C4orf50: variants seen among roughly 807,000 people sequenced by gnomAD.
The protein encoded by C4orf50 is uncharacterized protein C4orf50.
A neutral mutation model predicts 77.2 loss-of-function variants in C4orf50; 80 were observed. The observed-to-expected ratio is 1.04, with a 90% CI of 0.87 to 1.25. The LOEUF (loss-of-function observed/expected upper bound fraction) is 1.25, where lower values mean the gene tolerates loss of function less well. Ranked by LOEUF, C4orf50 falls within the 50% of genes most tolerant of loss-of-function variation. The pLI, the probability that C4orf50 is intolerant of heterozygous loss-of-function variation, is 0.00. For missense variants in C4orf50, 1,257 were observed against 1,152.9 expected (o/e 1.09, Z -1.31); for synonymous variants, 532 against 465.3 (o/e 1.14, Z -1.84).
At chr4:5,947,894 A>C (rs1055470771) in intron 7 of C4orf50, among the ~76,000 whole-genome samples, 7 of 152,222 alleles carry the variant, frequency 4.6e-5, no homozygotes, top group African/African-American at 1.7e-4. Flanking sequence ...CCCAGCCCCC[A>C]GGGTCCCTGC....
chr4:6,000,975 G>A lies in C4orf50; in HGVS notation c.964-6499C>T, dbSNP rs903417791. Among the ~76,000 whole-genome samples, 1 of 152,138 alleles carries A rather than the reference G, an allele frequency of 6.6e-6. No homozygotes were observed. The highest frequency in any genetic ancestry group is 2.4e-5 in the African/African-American group (1 of 41,410). ...CAACCCATCGGTAAGTGGCAGGAGA[G>A]CCCACCTCCACCGGAAGTTAGAGCA... is the stretch of plus-strand genomic sequence containing the variant. On this transcript the variant is annotated intron_variant, in intron 25 of 33. Transcript: ENST00000531445. The surrounding 1 kb of genome is among the most constrained non-coding windows in gnomAD (Gnocchi z 6.0).
chr4:5,973,499 G>A (rs1290064535), intron 31 of C4orf50, among the ~76,000 whole-genome samples, 160 bp downstream of exon 9: 2 of 152,308 alleles, frequency 1.3e-5, no homozygotes, highest in East Asian at 3.9e-4. Flanking sequence ...CAGGGCATGG[G>A]CATGGGCACA....
chr4:5,906,444 C>T (rs548375603), intron 7 of C4orf50, among the ~76,000 whole-genome samples: 10 of 152,162 alleles, frequency 6.6e-5, no homozygotes, highest in East Asian at 1.9e-4. Context: ...CTCAGCACAG[C>T]GTGAGTAGCG....
intron 7 of C4orf50, among the ~76,000 whole-genome samples, chr4:5,949,764 A>G (rs1006782318): frequency 2.0e-5 from 3 of 152,214 alleles, no homozygotes; most frequent in African/African-American, 7.2e-5. Flanking sequence ...AGGCAGGTGG[A>G]TCATCTGAGG....
chr4:5,973,628 A>C, intron 31 of C4orf50, 31 bp downstream of exon 9: 1 of 1,576,262 alleles, frequency 6.3e-7, no homozygotes, highest in South Asian at 1.1e-5. Context: ...TCCCATAGGA[A>C]GCACAGACAG....
intron 25 of C4orf50, among the ~76,000 whole-genome samples, chr4:6,003,998 G>A (rs1489626848): frequency 4.0e-5 from 6 of 149,342 alleles, no homozygotes; most frequent in East Asian, 2.1e-4. Flanking sequence ...TGGTGATGAT[G>A]GTGATGGTGA....
chr4:5,988,635 A>G, exon 28 of C4orf50: 1 of 1,536,048 alleles, frequency 6.5e-7, no homozygotes, highest in East Asian at 2.4e-5. Context: ...CTGTGAGTGG[A>G]GTCACCTGCA....
rs368913335 is a variant in C4orf50 at position 6,001,978 on chromosome 4, A to C, written c.963+6018T>G. ...CCTGGGGTCAGGGAATACCTGGAGG[A>C]GGAGAAGAGACCATAAGCCGTCATC... On this transcript the variant is annotated intron_variant, in intron 25 of 33. Transcript: ENST00000531445. Among the ~76,000 whole-genome samples the C allele has an allele frequency of 1.9e-3, 290 of 152,328 alleles. 4 individuals are homozygous for C. Among genetic ancestry groups the C allele is most frequent in the Non-Finnish European group, 2.1e-3 (144 of 68,034 alleles).
rs976929554 is a variant in C4orf50, at chr4:5,916,876, C to T, written c.*2475-18688G>A. ...GCTTGCCAGCAACAAAGCACTGCAGCTGAGAGCAGAGGCAGGCTGGGGACA... is the reference window on the plus strand; with the variant it reads ...GCTTGCCAGCAACAAAGCACTGCAGTTGAGAGCAGAGGCAGGCTGGGGACA... On this transcript the variant is annotated intron_variant, in intron 7 of 7. Coordinates refer to the C4orf50 transcript ENST00000324058. This position sits in a 1 kb window ranked among gnomAD's most constrained non-coding sequence, Gnocchi z 4.4. Among the ~76,000 whole-genome samples the T allele has an allele frequency of 3.3e-5, 5 of 152,128 alleles. No individual in the cohort carries two copies. Among genetic ancestry groups the T allele is most frequent in the African/African-American group, 1.2e-4 (5 of 41,442 alleles).
At chr4:5,918,596 G>A (rs1050424879) in intron 7 of C4orf50, among the ~76,000 whole-genome samples, 1 of 152,198 alleles carries the variant, frequency 6.6e-6, no homozygotes. Flanking sequence ...CTCACCTTGC[G>A]AATTTCAGAA....
At chr4:5,965,248 C>A in intron 32 of C4orf50, 103 bp from the exon 11 acceptor site, 1 of 1,228,226 alleles carries the variant, frequency 8.1e-7, no homozygotes, top group Non-Finnish European at 1.1e-6. Context: ...CTAGCCATTC[C>A]CAGATCATTC....
chr4:5,978,318 A>G (rs934638566), intron 29 of C4orf50, among the ~76,000 whole-genome samples: 2 of 152,224 alleles, frequency 1.3e-5, no homozygotes, highest in Non-Finnish European at 2.9e-5. Context: ...AAAACTGAGA[A>G]CTATAAAAAA....
At chr4:5,993,241 A>G (rs898040923) in intron 26 of C4orf50, among the ~76,000 whole-genome samples, 1 of 152,218 alleles carries the variant, frequency 6.6e-6, no homozygotes, top group Non-Finnish European at 1.5e-5. Flanking sequence ...CTCATCTGTC[A>G]AACAGGGTAT....
At chr4:5,966,927 C>T (rs774050205) in intron 32 of C4orf50, among the ~76,000 whole-genome samples, 5 of 152,326 alleles carry the variant, frequency 3.3e-5, no homozygotes, top group Non-Finnish European at 5.9e-5. Flanking sequence ...GGATTACAGG[C>T]GTGAGCCACT....
At chr4:5,984,205 A>G (rs755565470) in intron 28 of C4orf50, among the ~76,000 whole-genome samples, 6 of 152,264 alleles carry the variant, frequency 3.9e-5, no homozygotes, top group Non-Finnish European at 8.8e-5. Flanking sequence ...CTGCCAGAAT[A>G]AAATTCACTC....
At chr4:5,989,297 C>T (rs1268598457) in exon 28 of C4orf50, 2 of 1,536,032 alleles carry the variant, frequency 1.3e-6, no homozygotes, top group African/African-American at 1.4e-5. Context: ...TCGAGGGCAC[C>T]CCAGGGCTCA....
chr4:5,973,502 T>C (rs560640290), intron 31 of C4orf50, among the ~76,000 whole-genome samples, 157 bp downstream of exon 9: 3 of 152,108 alleles, frequency 2.0e-5, no homozygotes, highest in Non-Finnish European at 2.9e-5. Context: ...GGCATGGGCA[T>C]GGGCACAGAG....
chr4:5,927,594 GGTTTGAAA>G (rs1717573223), intron 7 of C4orf50, among the ~76,000 whole-genome samples: 1 of 151,762 alleles, frequency 6.6e-6, no homozygotes, highest in Admixed American at 6.6e-5. Context: ...GAGATCTGAT[GGTTTGAAA>G]GTGGGAGTTT....
chr4:5,979,231 G>A (rs1014318025), intron 29 of C4orf50, among the ~76,000 whole-genome samples: 3 of 152,230 alleles, frequency 2.0e-5, no homozygotes, highest in African/African-American at 2.4e-5. Context: ...TGCCGAGAGA[G>A]AAATAAAAAT....
Sources: gnomAD v4.1 joint callset for allele counts (sites outside exome capture counted in the v4.1 genomes callset) on GRCh38, gnomAD v4.1.1 for gene constraint, Gnocchi (gnomAD v3.1) non-coding constraint, MANE v1.5 for transcripts, NCBI Gene and HGNC (gene_info 2026-07-23, HGNC 2026-07-21) for gene names.